Variants in SMIM7 observed in about 807,000 individuals in gnomAD.
SMIM7 encodes small integral membrane protein 7.
A neutral mutation model predicts 13.3 loss-of-function variants in SMIM7; 12 were observed. The ratio of observed to expected loss-of-function variants is 0.90; its 90% CI spans 0.58 to 1.46. The LOEUF is 1.46. Among genes scored for constraint, SMIM7 ranks in the 40% most tolerant of loss-of-function variants. The pLI, the probability that SMIM7 is intolerant of heterozygous loss-of-function variation, is 0.00. For missense variants in SMIM7, 114 were observed against 94.8 expected (o/e 1.20, Z -0.84); for synonymous variants, 36 against 35.8 (o/e 1.01, Z -0.02).
intron 3 of SMIM7, among the ~76,000 whole-genome samples, chr19:16,657,284 C>T (rs1447489580): frequency 6.6e-6 from 1 of 152,230 alleles, no homozygotes; most frequent in Admixed American, 6.5e-5. Flanking sequence ...AAGCTCCTGA[C>T]AGAGCACTGG....
At chr19:16,643,489 C>T (rs971483362), downstream of SMIM7, among the ~76,000 whole-genome samples, 5 of 152,164 alleles carry the variant, frequency 3.3e-5, no homozygotes, top group African/African-American at 7.2e-5. Flanking sequence ...CTCCGCCTCC[C>T]GAGTTCAAGT....
intron 2 of SMIM7, 195 bp downstream of exon 2, chr19:16,659,764 G>A (rs2086648373): frequency 2.8e-6 from 2 of 715,306 alleles, no homozygotes; most frequent in Non-Finnish European, 4.6e-6. Flanking sequence ...CCAAGGAACG[G>A]AGAGTATGGG....
At chr19:16,643,119 T>C (rs868160396), downstream of SMIM7, among the ~76,000 whole-genome samples, 1 of 151,542 alleles carries the variant, frequency 6.6e-6, no homozygotes, top group African/African-American at 2.4e-5. Flanking sequence ...ACTCTGTCTC[T>C]AAAAAAAGAA....
At chr19:16,659,561 A>C in intron 2 of SMIM7, 114 bp from the exon 3 acceptor site, 2 of 1,073,636 alleles carry the variant, frequency 1.9e-6, no homozygotes, top group Non-Finnish European at 2.8e-6. Context: ...CCTGCCGCAA[A>C]CTTGCTGTGT....
At chr19:16,639,214 C>A (rs1374904299) in intron 4 of SMIM7, among the ~76,000 whole-genome samples, 1 of 151,708 alleles carries the variant, frequency 6.6e-6, no homozygotes, top group African/African-American at 2.4e-5. Context: ...CTCCGCCCCC[C>A]CAGGTTCACG....
chr19:16,652,782 T>C (rs1272919260), intron 4 of SMIM7: 1 of 1,513,728 alleles, frequency 6.6e-7, no homozygotes, highest in Non-Finnish European at 8.9e-7. Flanking sequence ...CAACTTTTTG[T>C]CCTCTCTCTT....
chr19:16,632,427 G>A (rs1042211689), intron 4 of SMIM7, among the ~76,000 whole-genome samples: 6 of 152,064 alleles, frequency 3.9e-5, no homozygotes, highest in Admixed American at 1.3e-4. Flanking sequence ...CGCAAGCCCC[G>A]GAACCTGGTT....
chr19:16,633,239 C>T (rs2086334825), intron 4 of SMIM7, among the ~76,000 whole-genome samples: 2 of 151,466 alleles, frequency 1.3e-5, no homozygotes, highest in Non-Finnish European at 2.9e-5. Context: ...GATGGATCAC[C>T]TGAGGTCAGG....
intron 4 of SMIM7, among the ~76,000 whole-genome samples, chr19:16,651,485 A>C (rs993545903): frequency 6.6e-6 from 1 of 152,190 alleles, no homozygotes; most frequent in Non-Finnish European, 1.5e-5. Context: ...CTGCCCCAGG[A>C]AACAAAATCA....
intron 4 of SMIM7, among the ~76,000 whole-genome samples, chr19:16,635,897 A>T (rs865973960): frequency 1.4e-3 from 177 of 123,794 alleles, no homozygotes; most frequent in South Asian, 3.1e-3. Context: ...AAAAAAAAAA[A>T]AAATATATAT....
intron 4 of SMIM7, among the ~76,000 whole-genome samples, chr19:16,648,371 C>T (rs1398515696): frequency 1.3e-5 from 2 of 151,772 alleles, no homozygotes; most frequent in African/African-American, 4.8e-5. Flanking sequence ...AAACTCCTGA[C>T]CTCAAGTGAT....
chr19:16,632,472 TG>T (rs1568295877), intron 4 of SMIM7, among the ~76,000 whole-genome samples: 2 of 151,882 alleles, frequency 1.3e-5, no homozygotes, highest in Non-Finnish European at 2.9e-5. Context: ...ATACTTTAAT[TG>T]CACTGTACAA....
Position 16,652,827 on chromosome 19 carries a change from G to C in SMIM7, c.212+1208C>G, listed in dbSNP as rs1239506440. ...AGCATACAGGGATGGACCCACAGAGGCCAAGAACACCAGATTCTCCCGTCG... is the reference window on the plus strand; with the variant it reads ...AGCATACAGGGATGGACCCACAGAGCCCAAGAACACCAGATTCTCCCGTCG... On this transcript the variant is annotated intron_variant, in intron 4 of 4. Transcript: ENST00000487416. The C allele has an allele frequency of 5.8e-6, 9 of 1,548,970 alleles. No homozygotes were observed. The South Asian group carries it at 1.1e-4, about 18-fold the overall frequency.
At chr19:16,631,642 GGAA>G (rs1287725695) in exon 5 of SMIM7, 1 of 152,178 alleles carries the variant, frequency 6.6e-6, no homozygotes, top group Non-Finnish European at 1.5e-5. Flanking sequence ...CAGCTGTACA[GGAA>G]TAGTCTTCCA....
At chr19:16,644,898 G>T (rs2086434663), downstream of SMIM7, 1 of 152,180 alleles carries the variant, frequency 6.6e-6, no homozygotes, top group African/African-American at 2.4e-5. Context: ...ACAACCTTAG[G>T]CACACACTAC....
intron 2 of SMIM7, 76 bp downstream of exon 2, chr19:16,659,883 G>T (rs991526740): frequency 2.0e-6 from 3 of 1,532,538 alleles, no homozygotes; most frequent in Non-Finnish European, 2.6e-6. Context: ...CCTGAGAAGT[G>T]CGCCGAGATC....
At chr19:16,639,185 G>A (rs1411906654) in intron 4 of SMIM7, among the ~76,000 whole-genome samples, 2 of 147,910 alleles carry the variant, frequency 1.4e-5, no homozygotes, top group Non-Finnish European at 3.0e-5. Flanking sequence ...GCAGTGGCGT[G>A]ATCTCGGCTC....
chr19:16,659,771 T>C (rs1490546316), intron 2 of SMIM7, 188 bp downstream of exon 2: 4 of 728,658 alleles, frequency 5.5e-6, no homozygotes, highest in South Asian at 5.1e-5. Flanking sequence ...ACGGAGAGTA[T>C]GGGTTTAAGG....
intron 4 of SMIM7, among the ~76,000 whole-genome samples, chr19:16,637,647 C>A (rs1479299547): frequency 6.6e-6 from 1 of 152,228 alleles, no homozygotes; most frequent in Non-Finnish European, 1.5e-5. Context: ...GTCACTTACA[C>A]ACAAATGCCT....
Sources: gnomAD v4.1 joint callset for allele counts (sites outside exome capture counted in the v4.1 genomes callset) on GRCh38, gnomAD v4.1.1 for gene constraint, MANE v1.5 for transcripts, NCBI Gene and HGNC (gene_info 2026-07-23, HGNC 2026-07-21) for gene names.